The following SNAP91 variants were observed in gnomAD, a reference collection of about 807,000 sequenced individuals.
The protein encoded by SNAP91 is synaptosome associated protein 91, also known as clathrin coat assembly protein AP180.
In SNAP91, 27 loss-of-function variants were observed where a neutral mutation model predicts 100.3. The observed-to-expected ratio is 0.27, with a 90% confidence interval of 0.20 to 0.37. The LOEUF (loss-of-function observed/expected upper bound fraction) is 0.37. Ranked by LOEUF, SNAP91 falls within the 10% of genes least tolerant of loss-of-function variation. SNAP91 has a pLI of 1.00. For synonymous variants in SNAP91, 404 were observed against 398.6 expected, an observed-to-expected ratio of 1.01 and a Z score of -0.16; for missense variants, 986 against 1,123.7, an observed-to-expected ratio of 0.88 and a Z score of 1.75.
chr6:83,709,259 G>C (rs1163772302), upstream of SNAP91: 1 of 152,240 alleles, frequency 6.6e-6, no homozygotes, highest in African/African-American at 2.4e-5. Flanking sequence ...AGGCGAGGGG[G>C]CGCCTCGCGC....
At chr6:83,648,876 C>T (rs2098077101) in intron 7 of SNAP91, among the ~76,000 whole-genome samples, 1 of 152,120 alleles carries the variant, frequency 6.6e-6, no homozygotes, top group South Asian at 2.1e-4. Context: ...TATACTTTCT[C>T]CTCCTCTGTG....
At chr6:83,575,347 T>A (rs9444090) in intron 25 of SNAP91, 5,365 of 526,498 alleles carry the variant, frequency 0.01, 233 homozygotes, top group African/African-American at 0.092. Flanking sequence ...TGGACCTCAA[T>A]AAGTATAGGA....
chr6:83,655,882 C>G (rs2098392433), intron 7 of SNAP91, among the ~76,000 whole-genome samples: 1 of 152,140 alleles, frequency 6.6e-6, no homozygotes. Flanking sequence ...CTATCACCAG[C>G]TGACTGAGGA....
At chr6:83,623,388 T>C in intron 8 of SNAP91, 46 bp from the exon 9 acceptor site, 3 of 1,398,484 alleles carry the variant, frequency 2.1e-6, no homozygotes, top group Non-Finnish European at 3.0e-6. Context: ...TTAAAATTAA[T>C]TTTTTTCATT....
intron 11 of SNAP91, among the ~76,000 whole-genome samples, chr6:83,614,322 T>A (rs2096342955): frequency 6.6e-6 from 1 of 152,038 alleles, no homozygotes; most frequent in Non-Finnish European, 1.5e-5. Flanking sequence ...TATCACAGAG[T>A]ATTGCATAAA....
intron 26 of SNAP91, among the ~76,000 whole-genome samples, chr6:83,563,699 T>G (rs1023602152): frequency 6.6e-6 from 1 of 152,226 alleles, no homozygotes. Context: ...CTCAGTGCAG[T>G]GTTCCTGGGG....
intron 2 of SNAP91, among the ~76,000 whole-genome samples, chr6:83,691,936 TAA>T (rs1386836437): frequency 2.6e-5 from 4 of 152,332 alleles, no homozygotes; most frequent in South Asian, 2.1e-4. Flanking sequence ...TAATAAAGTA[TAA>T]GTTATATTTT....
chr6:83,659,095 A>C lies in SNAP91; in HGVS notation c.453-3T>G. On this transcript the variant is annotated splice_region_variant and splice_polypyrimidine_tract_variant and intron_variant, in intron 5 of 29. Transcript: ENST00000369694. ...TTGTCCTCATTACACCATCGGCCCT[A>C]CAATTAAAAAAAAAAAAAAGGTACA... 6.4e-7 allele frequency: 1 copy of C among 1,550,650 alleles called. No individual in the cohort carries two copies.
In SNAP91 at chr6:83,601,619, G is replaced by A. The variant is rs2095236945; in HGVS notation, c.1142-20C>T. On this transcript the variant is annotated intron_variant, in intron 14 of 29. Coordinates refer to ENST00000369694, the MANE Select transcript of SNAP91 (RefSeq NM_001242792.2). ...AAAGGTCTACCGATGTCCATTACATGGCAGCATAAGAATAAATAAGAGCTA... is the reference window on the plus strand; with the variant it reads ...AAAGGTCTACCGATGTCCATTACATAGCAGCATAAGAATAAATAAGAGCTA... The A allele has an allele frequency of 1.2e-6, 2 of 1,612,088 alleles. No homozygotes were observed. The highest frequency in any genetic ancestry group is 1.7e-6 in the Non-Finnish European group (2 of 1,178,380).
intron 6 of SNAP91, among the ~76,000 whole-genome samples, chr6:83,657,637 G>C (rs1327302807): frequency 6.6e-5 from 10 of 152,172 alleles, no homozygotes; most frequent in Non-Finnish European, 1.5e-4. Flanking sequence ...AATCTTAACA[G>C]AGATGCTAAG....
At chr6:83,697,324 G>GCA (rs57251608) in intron 2 of SNAP91, among the ~76,000 whole-genome samples, 43,546 of 137,792 alleles carry the variant, frequency 0.32, 6,874 homozygotes, top group East Asian at 0.45. Context: ...GAAAATAGCT[G>GCA]CACACACACA....
At chr6:83,598,872 C>T (rs577219507) in intron 16 of SNAP91, among the ~76,000 whole-genome samples, 3 of 152,166 alleles carry the variant, frequency 2.0e-5, no homozygotes, top group African/African-American at 7.2e-5. Context: ...GACTCCTGAA[C>T]ATAAAGGATG....
At chr6:83,580,881 A>G (rs1374780131) in intron 23 of SNAP91, among the ~76,000 whole-genome samples, 1 of 152,214 alleles carries the variant, frequency 6.6e-6, no homozygotes. Context: ...TGCATGACTC[A>G]CTGGCTACAT....
intron 9 of SNAP91, among the ~76,000 whole-genome samples, chr6:83,620,692 T>A (rs1584248238): frequency 1.3e-5 from 2 of 151,862 alleles, no homozygotes; most frequent in African/African-American, 4.9e-5. Context: ...TAGAGGAATT[T>A]TTCTATGAAC....
At chr6:83,685,811 T>C (rs1234860350) in intron 2 of SNAP91, among the ~76,000 whole-genome samples, 2 of 152,188 alleles carry the variant, frequency 1.3e-5, no homozygotes, top group African/African-American at 2.4e-5. Flanking sequence ...ATAATTTCAA[T>C]AGCCAATCAC....
chr6:83,637,667 G>A (rs2097521390), intron 8 of SNAP91, among the ~76,000 whole-genome samples: 2 of 152,202 alleles, frequency 1.3e-5, no homozygotes, highest in Non-Finnish European at 1.5e-5. Flanking sequence ...AGAAGATGTG[G>A]CTTTCAGGCG....
intron 11 of SNAP91, among the ~76,000 whole-genome samples, chr6:83,613,803 GA>G (rs1215735132): frequency 6.6e-6 from 1 of 151,992 alleles, no homozygotes; most frequent in East Asian, 1.9e-4. Flanking sequence ...TGCCCTTTAG[GA>G]AAGAAGATAC....
chr6:83,611,291 G>GA (rs1178160031), intron 11 of SNAP91: 3 of 321,408 alleles, frequency 9.3e-6, no homozygotes, highest in Non-Finnish European at 1.8e-5. Context: ...TGGGAGCTAG[G>GA]AAAAAAACAG....
intron 22 of SNAP91, among the ~76,000 whole-genome samples, chr6:83,589,936 T>C (rs2093475131): frequency 6.6e-6 from 1 of 152,194 alleles, no homozygotes; most frequent in Non-Finnish European, 1.5e-5. Context: ...TTATGGGCTA[T>C]ATCCACACTA....
Sources: allele counts gnomAD v4.1 joint callset (sites outside exome capture counted in the v4.1 genomes callset), GRCh38; gene constraint gnomAD v4.1.1; transcripts MANE v1.5; gene names NCBI Gene and HGNC (gene_info 2026-07-23, HGNC 2026-07-21).